Variants in CSMD1 observed in about 807,000 individuals in gnomAD.
CSMD1 encodes the protein CUB and sushi domain-containing protein 1.
CSMD1 carries 213 observed loss-of-function variants against 417.5 expected under a neutral mutation model. That is an observed-to-expected ratio of 0.51 (90% CI 0.46 to 0.57). The LOEUF is 0.57. Among genes scored for constraint, CSMD1 ranks in the 20% least tolerant of loss-of-function variants. The pLI, the probability that CSMD1 is intolerant of heterozygous loss-of-function variation, is 0.00. For synonymous variants in CSMD1, 2,862 were observed against 1,736.8 expected (o/e 1.65, Z -16.11); for missense variants, 6,923 against 4,529.7 (o/e 1.53, Z -15.17).
chr8:3,729,982 C>T (rs1447801735), intron 6 of CSMD1, among the ~76,000 whole-genome samples: 1 of 104,710 alleles, frequency 9.6e-6, no homozygotes, highest in East Asian at 3.1e-4. Flanking sequence ...AGAACGGATA[C>T]ATAATAATGT....
chr8:4,077,944 C>G (rs929142854), intron 3 of CSMD1, among the ~76,000 whole-genome samples: 3 of 152,080 alleles, frequency 2.0e-5, no homozygotes, highest in African/African-American at 7.2e-5. Flanking sequence ...CTTTACATAC[C>G]CATACTCGCC....
chr8:3,200,134 C>A (rs58352659), intron 32 of CSMD1, among the ~76,000 whole-genome samples: 4,328 of 152,112 alleles, frequency 0.028, 202 homozygotes, highest in African/African-American at 0.097. Context: ...AATCACCTTA[C>A]TCTGATTTTA....
chr8:4,657,825 A>G (rs1340913912), intron 1 of CSMD1, among the ~76,000 whole-genome samples: 1 of 152,036 alleles, frequency 6.6e-6, no homozygotes, highest in Non-Finnish European at 1.5e-5. Context: ...AGGAAACCAT[A>G]GACAAAAAGG....
intron 2 of CSMD1, among the ~76,000 whole-genome samples, chr8:4,501,742 C>T (rs184490670): frequency 6.6e-6 from 1 of 152,150 alleles, no homozygotes; most frequent in African/African-American, 2.4e-5. Context: ...TTTTCAGACT[C>T]ATGGTTGCAG....
Position 4,420,020 on chromosome 8 carries a change from A to T in CSMD1, c.348T>A (p.Ser116=), listed in dbSNP as rs1467919318. ...CTGTCGTGAACCACAGAGTGAGGAT[A>T]GATCCTGTACTCACTATAGAGGAGG... The part of the protein sequence containing the change: ...QLPSSIVSTG[S]ILTLWFTTDF... The change falls in exon 3 of 70, where the codon TCT becomes TCA. Residue 116 remains serine (S), a synonymous_variant. Transcript: ENST00000635120. The T allele has an allele frequency of 1.3e-6, 2 of 1,584,912 alleles. No homozygotes were observed. Among genetic ancestry groups the T allele is most frequent in the African/African-American group, 1.3e-5 (1 of 74,384 alleles).
At chr8:3,432,868 A>T (rs1302083593) in intron 12 of CSMD1, among the ~76,000 whole-genome samples, 1 of 152,152 alleles carries the variant, frequency 6.6e-6, no homozygotes, top group Non-Finnish European at 1.5e-5. Flanking sequence ...CTGCTTAAAT[A>T]TAGTCATCAG....
chr8:3,856,278 C>G (rs549083209), intron 5 of CSMD1, among the ~76,000 whole-genome samples: 29 of 152,214 alleles, frequency 1.9e-4, no homozygotes, highest in African/African-American at 7.0e-4. Flanking sequence ...TAAGACACAC[C>G]TGCTTCCGCT....
At chr8:3,877,497 G>C (rs4388473) in intron 5 of CSMD1, among the ~76,000 whole-genome samples, 100,472 of 151,860 alleles carry the variant, frequency 0.66, 34,810 homozygotes, top group Middle Eastern at 0.79. Context: ...GACGAGGGAG[G>C]AAATTTACTT....
intron 10 of CSMD1, among the ~76,000 whole-genome samples, chr8:3,574,165 G>C (rs1451624688): frequency 2.0e-5 from 3 of 152,222 alleles, no homozygotes. Flanking sequence ...ACGCTCAGAT[G>C]TTTAATTCTT....
At chr8:4,351,787 C>G (rs886422589) in intron 3 of CSMD1, among the ~76,000 whole-genome samples, 1 of 152,030 alleles carries the variant, frequency 6.6e-6, no homozygotes, top group Non-Finnish European at 1.5e-5. Context: ...TTATTTTGTG[C>G]ACTTGGAATC....
intron 7 of CSMD1, among the ~76,000 whole-genome samples, chr8:3,673,912 G>C (rs1285518390): frequency 6.6e-6 from 1 of 152,078 alleles, no homozygotes; most frequent in African/African-American, 2.4e-5. Context: ...GAGCTCAGCA[G>C]TTTCAGACGA....
At chr8:4,748,357 T>C (rs1439181050) in intron 1 of CSMD1, among the ~76,000 whole-genome samples, 1 of 152,254 alleles carries the variant, frequency 6.6e-6, no homozygotes, top group East Asian at 1.9e-4. Flanking sequence ...TTTGTTTTCT[T>C]AGCATGGTTT....
chr8:4,696,891 G>A (rs1377450551), intron 1 of CSMD1, among the ~76,000 whole-genome samples: 3 of 152,304 alleles, frequency 2.0e-5, no homozygotes, highest in East Asian at 3.9e-4. Context: ...CAAAAAATCA[G>A]GGCCAGGTTC....
At chr8:4,970,772 G>A (rs1387983968) in intron 1 of CSMD1, among the ~76,000 whole-genome samples, 1 of 151,906 alleles carries the variant, frequency 6.6e-6, no homozygotes, top group Non-Finnish European at 1.5e-5. Flanking sequence ...ACCAAACAAG[G>A]GTCTTAATTT....
intron 4 of CSMD1, 89 bp downstream of exon 4, chr8:4,031,816 T>C (rs1264920889): frequency 9.8e-7 from 1 of 1,020,020 alleles, no homozygotes; most frequent in Non-Finnish European, 1.4e-6. Context: ...ATGTATTATT[T>C]TCATTTAAGT....
At chr8:4,471,294 A>G (rs1449403061) in intron 2 of CSMD1, among the ~76,000 whole-genome samples, 1 of 152,210 alleles carries the variant, frequency 6.6e-6, no homozygotes, top group Non-Finnish European at 1.5e-5. Flanking sequence ...AACAAAGTCA[A>G]ACAGGTTGGT....
chr8:3,463,655 A>G (rs2117164883), intron 12 of CSMD1, among the ~76,000 whole-genome samples: 1 of 152,324 alleles, frequency 6.6e-6, no homozygotes, highest in East Asian at 1.9e-4. Context: ...CTGTGCCGTC[A>G]TTGCACTTGG....
At chr8:3,293,613 T>C (rs940641069) in intron 25 of CSMD1, among the ~76,000 whole-genome samples, 1 of 152,240 alleles carries the variant, frequency 6.6e-6, no homozygotes, top group African/African-American at 2.4e-5. Context: ...TTCCTGTTGA[T>C]TGTATTGGCT....
intron 3 of CSMD1, among the ~76,000 whole-genome samples, chr8:4,417,437 T>C (rs980299753): frequency 6.6e-6 from 1 of 152,184 alleles, no homozygotes; most frequent in African/African-American, 2.4e-5. Context: ...GGAAGATTCT[T>C]CTCCTTTCAA....
Sources: allele counts gnomAD v4.1 joint callset (sites outside exome capture counted in the v4.1 genomes callset), GRCh38; gene constraint gnomAD v4.1.1; transcripts MANE v1.5; gene names NCBI Gene and HGNC (gene_info 2026-07-23, HGNC 2026-07-21).